CCDC85C: variants seen among roughly 807,000 people sequenced by gnomAD.
The protein encoded by CCDC85C is coiled-coil domain-containing protein 85C.
CCDC85C carries 18 observed loss-of-function variants against 38.3 expected under a neutral mutation model. The observed-to-expected ratio is 0.47, with a 90% CI of 0.33 to 0.70. The LOEUF (loss-of-function observed/expected upper bound fraction) is 0.70, where lower values mean the gene tolerates loss of function less well. CCDC85C is among the 30% of genes least tolerant of loss of function. The pLI, the probability that CCDC85C is intolerant of heterozygous loss-of-function variation, is 0.03. For synonymous variants in CCDC85C, 264 were observed against 293.8 expected, an observed-to-expected ratio of 0.90 and a Z score of 1.04; for missense variants, 566 against 621.2, an observed-to-expected ratio of 0.91 and a Z score of 0.94.
chr14:99,536,137 TC>T, intron 1 of CCDC85C, 49 bp from the exon 2 acceptor site: 1 of 1,281,184 alleles, frequency 7.8e-7, no homozygotes, highest in Non-Finnish European at 1.1e-6. Context: ...GCAGACTCCA[TC>T]CCCATTGCGC....
intron 1 of CCDC85C, among the ~76,000 whole-genome samples, chr14:99,582,271 C>T (rs558657743): frequency 2.0e-5 from 3 of 152,080 alleles, no homozygotes; most frequent in Non-Finnish European, 2.9e-5. Flanking sequence ...CCCTGAGGTC[C>T]CCAGGGTGAC....
Position 99,507,094 on chromosome 14 carries a change from T to A in CCDC85C, c.*8152A>T. 2 of 1,610,840 alleles carry A rather than the reference T, an allele frequency of 1.2e-6. No individual in the cohort carries two copies. Among genetic ancestry groups the A allele is most frequent in the African/African-American group, 2.7e-5 (2 of 74,960 alleles). On this transcript the variant is annotated 3_prime_UTR_variant, in exon 6 of 6. Coordinates refer to ENST00000380243, the MANE Select transcript of CCDC85C (RefSeq NM_001144995.2). The stretch of plus-strand genomic sequence containing the variant: ...TTTGTAGAACCACCACCACCTAAAA[T>A]CCCCAAAATTGAGACCACTCATCCA...
Position 99,546,442 on chromosome 14 carries a change from G to T in CCDC85C, c.794-10354C>A, listed in dbSNP as rs115301369. 7.5e-3 allele frequency among the ~76,000 whole-genome samples: 1,137 copies of T among 152,188 alleles called. 10 individuals are homozygous for T. Among genetic ancestry groups the T allele is most frequent in the African/African-American group, 0.025 (1,044 of 41,520 alleles). ...GCACTGGGAGAGCGGCTCAGGGAAG[G>T]CACTTGATCTGCGGTGAGAGCAGTG... On this transcript the variant is annotated intron_variant, in intron 1 of 5. Transcript: ENST00000380243.
rs753951143 is a variant in CCDC85C, at chr14:99,510,693, C to A, written c.*4553G>T. The A allele has an allele frequency of 3.7e-5, 53 of 1,431,018 alleles. No homozygotes were observed. The highest frequency in any genetic ancestry group is 4.6e-5 in the Non-Finnish European group (50 of 1,091,452). 88.6% of individuals were successfully genotyped at this position (1,431,018 alleles called of 1,614,324 possible). A position where few individuals can be genotyped will look rare whatever the true frequency, so the allele number is the denominator to read the frequency against. On this transcript the variant is annotated 3_prime_UTR_variant, in exon 6 of 6. Transcript: ENST00000380243. ...CAGCTACCCACCTCCTGCCGTCCCC[C>A]CTGGAGGACAGCCTCCTGTGCCCCC... is the stretch of plus-strand genomic sequence containing the variant.
In CCDC85C at chr14:99,506,856, G is replaced by A. The variant is rs1334576781; in HGVS notation, c.*8390C>T. ...GGTAGACATGGAAAATGGGCTGCCT[G>A]TGGGAAGCTCGCAGGTCTTTTGGAG... is the stretch of plus-strand genomic sequence containing the variant. On this transcript the variant is annotated 3_prime_UTR_variant, in exon 6 of 6. Transcript: ENST00000380243. 1 of 522,204 alleles carries A rather than the reference G, an allele frequency of 1.9e-6. No homozygotes were observed. Among genetic ancestry groups the A allele is most frequent in the Non-Finnish European group, 3.5e-6 (1 of 287,466 alleles). 32.3% of individuals were successfully genotyped at this position (522,204 alleles called of 1,614,324 possible).
intron 1 of CCDC85C, among the ~76,000 whole-genome samples, chr14:99,593,055 G>A (rs961957925): frequency 6.6e-6 from 1 of 152,238 alleles, no homozygotes; most frequent in African/African-American, 2.4e-5. Flanking sequence ...GCCTTGGCAT[G>A]GGCAGTGTGG....
At chr14:99,524,017 C>T (rs1234641699) in intron 2 of CCDC85C, among the ~76,000 whole-genome samples, 1 of 124,458 alleles carries the variant, frequency 8.0e-6, no homozygotes, top group Non-Finnish European at 1.7e-5. Context: ...TGAGTGACAC[C>T]CCTCCCCCCA....
intron 2 of CCDC85C, among the ~76,000 whole-genome samples, chr14:99,532,930 T>A (rs1897522383): frequency 6.6e-6 from 1 of 152,052 alleles, no homozygotes; most frequent in African/African-American, 2.4e-5. Flanking sequence ...TACAGGCACG[T>A]GCCACCCTGC....
intron 5 of CCDC85C, 74 bp from the exon 6 acceptor site, chr14:99,515,409 C>T: frequency 3.6e-6 from 4 of 1,115,858 alleles, no homozygotes; most frequent in East Asian, 5.2e-5. Flanking sequence ...TCCGCCGCCT[C>T]ATCACGGCAG....
intron 1 of CCDC85C, among the ~76,000 whole-genome samples, chr14:99,586,888 C>T (rs912740455): frequency 4.6e-5 from 7 of 152,230 alleles, no homozygotes; most frequent in Non-Finnish European, 7.3e-5. Context: ...CACCAGGCGG[C>T]CTCAGGGCTG....
rs1216120265 is a variant in CCDC85C, at chr14:99,516,048, C to T, written c.1170+140G>A. On this transcript the variant is annotated intron_variant, in intron 5 of 5. Transcript: ENST00000380243. The surrounding 1 kb of genome is among the most constrained non-coding windows in gnomAD (Gnocchi z 5.5). The stretch of plus-strand genomic sequence containing the variant: ...GGCTCCTAGCACCTCTGAGGCCTCC[C>T]CCCAGCTATCCAAGGTCACCCAGCC... 1 of 705,514 alleles carries T rather than the reference C, an allele frequency of 1.4e-6. No individual in the cohort carries two copies. The highest frequency in any genetic ancestry group is 1.7e-5 in the African/African-American group (1 of 57,616). 43.7% of individuals were successfully genotyped at this position (705,514 alleles called of 1,614,324 possible).
chr14:99,546,420 C>G (rs1047400285), intron 1 of CCDC85C, among the ~76,000 whole-genome samples: 2 of 151,980 alleles, frequency 1.3e-5, no homozygotes, highest in African/African-American at 2.4e-5. Flanking sequence ...ACAGCCAGCA[C>G]TGGGAGAGCG....
rs1194307918 is a variant in CCDC85C, at chr14:99,545,687, C to T, written c.794-9599G>A. 2.0e-5 allele frequency among the ~76,000 whole-genome samples: 3 copies of T among 152,062 alleles called. 1 individual carries two copies. The South Asian group carries it at 6.2e-4, about 32-fold the overall frequency. On this transcript the variant is annotated intron_variant, in intron 1 of 5. Coordinates refer to ENST00000380243, the MANE Select transcript of CCDC85C (RefSeq NM_001144995.2). The surrounding 1 kb of genome is among the most constrained non-coding windows in gnomAD (Gnocchi z 4.7). The stretch of plus-strand genomic sequence containing the variant: ...ACTGTGTGCAGACATCAGCTAGTCC[C>T]GCCGGGGAGAGACATCTCACCACAC...
intron 1 of CCDC85C, among the ~76,000 whole-genome samples, chr14:99,578,579 C>T (rs556864890): frequency 1.3e-5 from 2 of 152,262 alleles, no homozygotes; most frequent in East Asian, 3.9e-4. Flanking sequence ...TCCCCTGTCA[C>T]TGTGTGTGTG....
chr14:99,530,740 C>T (rs1479713017), intron 2 of CCDC85C, among the ~76,000 whole-genome samples: 7 of 152,210 alleles, frequency 4.6e-5, no homozygotes, highest in African/African-American at 1.2e-4. Context: ...CATCACACTG[C>T]GCTGGGCATC....
intron 1 of CCDC85C, among the ~76,000 whole-genome samples, chr14:99,586,541 GC>G (rs1339566169): frequency 6.6e-6 from 1 of 152,212 alleles, no homozygotes; most frequent in Non-Finnish European, 1.5e-5. Context: ...CATGTGACAT[GC>G]CATGGGCTTG....
chr14:99,557,204 C>T (rs1242682924), intron 1 of CCDC85C, among the ~76,000 whole-genome samples: 5 of 152,344 alleles, frequency 3.3e-5, no homozygotes, highest in African/African-American at 2.4e-5. Flanking sequence ...GATGAAGAGA[C>T]TCATCTAAGA....
chr14:99,575,514 C>A (rs1245230147), intron 1 of CCDC85C, among the ~76,000 whole-genome samples: 3 of 152,244 alleles, frequency 2.0e-5, no homozygotes, highest in African/African-American at 7.2e-5. Flanking sequence ...CACAAAAATG[C>A]AAGCTGCCAA....
In CCDC85C at chr14:99,505,769, A is replaced by C. The variant is rs1295737790; in HGVS notation, c.*9477T>G. 2.0e-5 allele frequency: 3 copies of C among 152,226 alleles called. No individual in the cohort carries two copies. The highest frequency in any genetic ancestry group is 4.4e-5 in the Non-Finnish European group (3 of 68,056). 9.4% of individuals were successfully genotyped at this position (152,226 alleles called of 1,614,324 possible). On this transcript the variant is annotated 3_prime_UTR_variant, in exon 6 of 6. Coordinates refer to ENST00000380243, the MANE Select transcript of CCDC85C (RefSeq NM_001144995.2). Reference sequence around the variant, plus strand: ...CTACTTGGGAGACTCAGGCAGCAAGATCACTTGAGCCTGGTTGGTTGAAGC... The same window carrying C: ...CTACTTGGGAGACTCAGGCAGCAAGCTCACTTGAGCCTGGTTGGTTGAAGC...
Sources: gnomAD v4.1 joint callset for allele counts (sites outside exome capture counted in the v4.1 genomes callset) on GRCh38, gnomAD v4.1.1 for gene constraint, Gnocchi (gnomAD v3.1) non-coding constraint, MANE v1.5 for transcripts, NCBI Gene and HGNC (gene_info 2026-07-23, HGNC 2026-07-21) for gene names.